CYP4F22: variants seen among roughly 807,000 people sequenced by gnomAD.
CYP4F22 encodes ultra-long-chain fatty acid omega-hydroxylase.
A neutral mutation model predicts 60.4 loss-of-function variants in CYP4F22; 37 were observed. That is an observed-to-expected ratio of 0.61 (90% CI 0.47 to 0.81). CYP4F22 has a LOEUF of 0.81. CYP4F22 is among the 30% of genes least tolerant of loss of function. CYP4F22 has a pLI of 0.00. For missense variants in CYP4F22, 655 were observed against 715.0 expected (o/e 0.92, Z 0.96); for synonymous variants, 258 against 280.5 (o/e 0.92, Z 0.80).
intron 8 of CYP4F22, among the ~76,000 whole-genome samples, chr19:15,542,360 C>A (rs143204751): frequency 6.9e-6 from 1 of 145,354 alleles, no homozygotes; most frequent in African/African-American, 2.5e-5. Flanking sequence ...ATTGAAACAC[C>A]GTCTCTACTA....
At chr19:15,540,837 C>A (rs917088514) in intron 8 of CYP4F22, 120 bp downstream of exon 8, 2 of 1,326,690 alleles carry the variant, frequency 1.5e-6, no homozygotes, top group Non-Finnish European at 2.1e-6. Context: ...GTAATCCCAG[C>A]GCTTTGGGAG....
At chr19:15,509,623 G>T (rs73512618) in intron 1 of CYP4F22, among the ~76,000 whole-genome samples, 7,304 of 152,198 alleles carry the variant, frequency 0.048, 275 homozygotes, top group Middle Eastern at 0.1. Flanking sequence ...GAAGAAGCCT[G>T]TGCCTGTGGA....
At position 15,551,339 on chromosome 19, in the gene CYP4F22, T is replaced by G; in HGVS notation, c.1464T>G (p.Val488=). ...QSFAMAELRV[V]VALTLLRFRL... ...TCGCCATGGCCGAGTTGCGCGTGGT[T>G]GTGGCACTAACACTGCTACGTTTCC... The change falls in exon 14 of 14, where the codon GTT becomes GTG. Residue 488 remains valine (V), a synonymous_variant. Coordinates refer to ENST00000269703, the MANE Select transcript of CYP4F22 (RefSeq NM_173483.4). 1 of 1,613,666 alleles carries G rather than the reference T, an allele frequency of 6.2e-7. No individual in the cohort carries two copies. The highest frequency in any genetic ancestry group is 8.5e-7 in the Non-Finnish European group (1 of 1,179,808).
chr19:15,520,370 A>G (rs557164517), intron 1 of CYP4F22, among the ~76,000 whole-genome samples: 197 of 148,380 alleles, frequency 1.3e-3, no homozygotes, highest in African/African-American at 4.4e-3. Flanking sequence ...AACAAAAACT[A>G]AAAAAAGAAA....
chr19:15,510,964 A>ATTTTTTTT (rs1395915764), intron 1 of CYP4F22, among the ~76,000 whole-genome samples: 2 of 113,672 alleles, frequency 1.8e-5, no homozygotes, highest in African/African-American at 8.2e-5. Context: ...ATATATATAT[A>ATTTTTTTT]TATTTTTTTT....
At chr19:15,546,259 A>T (rs1052142694) in intron 10 of CYP4F22, among the ~76,000 whole-genome samples, 3 of 151,990 alleles carry the variant, frequency 2.0e-5, no homozygotes, top group Admixed American at 1.3e-4. Flanking sequence ...TATAGGTGTG[A>T]GCCACTGTGC....
At chr19:15,520,357 A>C (rs1233189632) in intron 1 of CYP4F22, among the ~76,000 whole-genome samples, 4 of 149,896 alleles carry the variant, frequency 2.7e-5, no homozygotes, top group Middle Eastern at 3.4e-3. Context: ...AAAAAAAAAA[A>C]AAAACAAAAA....
At chr19:15,513,992 T>G (rs1248005029) in intron 1 of CYP4F22, among the ~76,000 whole-genome samples, 9 of 152,174 alleles carry the variant, frequency 5.9e-5, no homozygotes, top group African/African-American at 1.9e-4. Context: ...AGCTAAGTCC[T>G]CAAGAGCCGT....
intron 1 of CYP4F22, among the ~76,000 whole-genome samples, chr19:15,522,013 C>T (rs926108275): frequency 1.3e-5 from 2 of 151,246 alleles, no homozygotes; most frequent in African/African-American, 2.4e-5. Context: ...AGCATGGTGG[C>T]GGGTGCCTAT....
At chr19:15,550,262 C>T (rs1306166199) in intron 12 of CYP4F22, among the ~76,000 whole-genome samples, 2 of 152,066 alleles carry the variant, frequency 1.3e-5, no homozygotes, top group African/African-American at 4.8e-5. Context: ...TTCTGCACTC[C>T]AGCCTGAGTG....
chr19:15,515,053 C>T (rs1971137548), intron 1 of CYP4F22, among the ~76,000 whole-genome samples: 1 of 152,178 alleles, frequency 6.6e-6, no homozygotes, highest in African/African-American at 2.4e-5. Flanking sequence ...GGGCGTGGAT[C>T]TGCTGGTGCC....
chr19:15,509,874 TTCC>T (rs1971063156), intron 1 of CYP4F22, among the ~76,000 whole-genome samples: 1 of 126,190 alleles, frequency 7.9e-6, no homozygotes, highest in Non-Finnish European at 1.7e-5. Flanking sequence ...CCTTCCTTCC[TTCC>T]TTCCTTCCTT....
chr19:15,543,915 C>A, intron 8 of CYP4F22, 56 bp from the exon 9 acceptor site: 1 of 1,594,928 alleles, frequency 6.3e-7, no homozygotes, highest in Non-Finnish European at 8.6e-7. Flanking sequence ...TGAGGAGCCC[C>A]TAGGATGCGG....
At chr19:15,549,115 A>G (rs1480753494) in intron 11 of CYP4F22, 23 bp from the exon 12 acceptor site, 4 of 1,613,894 alleles carry the variant, frequency 2.5e-6, no homozygotes, top group Non-Finnish European at 2.5e-6. Context: ...CCTTGGCCCC[A>G]CTGATCCCAT....
intron 1 of CYP4F22, among the ~76,000 whole-genome samples, chr19:15,513,466 G>A (rs1036616044): frequency 2.0e-5 from 3 of 149,828 alleles, no homozygotes; most frequent in Non-Finnish European, 3.0e-5. Flanking sequence ...CCGGGTTCAC[G>A]CCATTCTTCA....
At chr19:15,527,437 G>T (rs962947374) in intron 3 of CYP4F22, among the ~76,000 whole-genome samples, 10 of 152,116 alleles carry the variant, frequency 6.6e-5, no homozygotes, top group African/African-American at 2.4e-4. Context: ...CTCTGTCCAG[G>T]TATCCTTCTC....
At chr19:15,540,012 A>G (rs1406108291) in intron 7 of CYP4F22, among the ~76,000 whole-genome samples, 1 of 152,204 alleles carries the variant, frequency 6.6e-6, no homozygotes, top group Non-Finnish European at 1.5e-5. Context: ...TTAGGTACCA[A>G]TCCCTTATCA....
chr19:15,539,961 T>C (rs193302824), intron 7 of CYP4F22, among the ~76,000 whole-genome samples: 39 of 152,362 alleles, frequency 2.6e-4, no homozygotes, highest in Admixed American at 1.9e-3. Context: ...TTCATATCCA[T>C]TGCCCATTTT....
At chr19:15,515,403 G>A in intron 1 of CYP4F22, 13 of 1,223,030 alleles carry the variant, frequency 1.1e-5, no homozygotes, top group Non-Finnish European at 1.2e-6. Flanking sequence ...TACTTTGTTG[G>A]TCCAACTCAG....
Sources: allele counts gnomAD v4.1 joint callset (sites outside exome capture counted in the v4.1 genomes callset), GRCh38; gene constraint gnomAD v4.1.1; transcripts MANE v1.5; gene names NCBI Gene and HGNC (gene_info 2026-07-23, HGNC 2026-07-21).